The following ALCAM variants were observed in gnomAD, a reference collection of about 807,000 sequenced individuals.
ALCAM encodes CD166 antigen.
In ALCAM, 30 loss-of-function variants were observed where a neutral mutation model predicts 70.9. The observed-to-expected ratio is 0.42, with a 90% CI of 0.32 to 0.57. The LOEUF is 0.57. Ranked by LOEUF, ALCAM falls within the 20% of genes least tolerant of loss-of-function variation. The pLI is 0.11. For synonymous variants in ALCAM, 249 were observed against 242.5 expected, an observed-to-expected ratio of 1.03 and a Z score of -0.25; for missense variants, 591 against 695.1, an observed-to-expected ratio of 0.85 and a Z score of 1.68.
At chr3:105,556,900 TTC>T (rs1462688144) in intron 14 of ALCAM, among the ~76,000 whole-genome samples, 1 of 152,060 alleles carries the variant, frequency 6.6e-6, no homozygotes, top group African/African-American at 2.4e-5. Context: ...CCTACCGTTT[TTC>T]TCTTTTTTTG....
At position 105,571,936 on chromosome 3, in the gene ALCAM, C is replaced by T. The variant is rs1445077548; in HGVS notation, c.1749C>T (p.Ala583=). ...KLEENNHKTE[A] ...AAGAAAACAATCACAAAACTGAAGC[C>T]TAAGAGAGAAACTGTCCTAGTTGTC... The change falls in exon 15 of 16, where the codon GCC becomes GCT. Residue 583 remains alanine (A), a synonymous_variant. Coordinates refer to ENST00000306107, the MANE Select transcript of ALCAM (RefSeq NM_001627.4). 6.2e-7 allele frequency: 1 copy of T among 1,609,842 alleles called. No homozygotes were observed. Among genetic ancestry groups the T allele is most frequent in the Non-Finnish European group, 8.5e-7 (1 of 1,176,758 alleles).
At chr3:105,420,560 T>C (rs894468013) in intron 1 of ALCAM, among the ~76,000 whole-genome samples, 2 of 151,694 alleles carry the variant, frequency 1.3e-5, no homozygotes, top group African/African-American at 4.8e-5. Flanking sequence ...AAATTATGTG[T>C]CCTATCAAAG....
intron 3 of ALCAM, chr3:105,525,448 C>A: frequency 1.3e-6 from 1 of 778,962 alleles, no homozygotes; most frequent in Non-Finnish European, 1.6e-6. Context: ...CGAAACAGGT[C>A]TCAAAAGTTT....
chr3:105,444,485 C>T (rs1466793258), intron 1 of ALCAM, among the ~76,000 whole-genome samples: 1 of 152,140 alleles, frequency 6.6e-6, no homozygotes, highest in East Asian at 1.9e-4. Flanking sequence ...GTCCCTCCCT[C>T]TACACATGGG....
intron 1 of ALCAM, among the ~76,000 whole-genome samples, chr3:105,368,227 G>GAGAGAGAGAGAA (rs1935124963): frequency 9.8e-6 from 1 of 102,422 alleles, no homozygotes; most frequent in Non-Finnish European, 2.3e-5. Flanking sequence ...TCTTGGAAGA[G>GAGAGAGAGAGAA]AGAGAGAGAG....
intron 1 of ALCAM, among the ~76,000 whole-genome samples, chr3:105,375,321 C>T (rs1935347632): frequency 6.6e-6 from 1 of 152,182 alleles, no homozygotes; most frequent in Non-Finnish European, 1.5e-5. Context: ...ATCATACAGG[C>T]TCCACAATAA....
rs761008854 is a variant in ALCAM at position 105,547,192 on chromosome 3, A to G, written c.1148A>G (p.His383Arg). 4 of 1,606,494 alleles carry G rather than the reference A, an allele frequency of 2.5e-6. No individual in the cohort carries two copies. Among genetic ancestry groups the G allele is most frequent in the African/African-American group, 1.3e-5 (1 of 74,390 alleles). ...TCTAGCCCGTCATTTTCTAGTCTTC[A>G]TTATCAGGATGCTGGAAACTATGTC... ...LRSSPSFSSL[H>R]YQDAGNYVCE... The change falls in exon 10 of 16, where the codon CAT becomes CGT. Residue 383 changes from histidine (H) to arginine (R), a missense_variant. By Grantham distance (29) the His-to-Arg change is conservative (BLOSUM62 0). Around this residue, in one of 2 missense-constraint regions of ALCAM, gnomAD observed 164 missense variants for 244.7 expected, o/e 0.67. Coordinates refer to ENST00000306107, the MANE Select transcript of ALCAM (RefSeq NM_001627.4).
intron 1 of ALCAM, among the ~76,000 whole-genome samples, chr3:105,489,181 C>A (rs6437596): frequency 0.013 from 2,003 of 152,244 alleles, 35 homozygotes; most frequent in African/African-American, 0.044. Context: ...GGAGAGTGTT[C>A]TGCTCAAAAT....
At chr3:105,421,492 G>T (rs888118694) in intron 1 of ALCAM, among the ~76,000 whole-genome samples, 2 of 151,358 alleles carry the variant, frequency 1.3e-5, no homozygotes, top group Non-Finnish European at 3.0e-5. Context: ...TTTAAAAAAA[G>T]AAGACAAATA....
chr3:105,477,488 A>G (rs576418318), intron 1 of ALCAM, among the ~76,000 whole-genome samples: 1 of 152,094 alleles, frequency 6.6e-6, no homozygotes, highest in South Asian at 2.1e-4. Flanking sequence ...ATTCTCTTCT[A>G]TGTAATAGGT....
chr3:105,573,202 C>T (rs564060939), intron 15 of ALCAM, among the ~76,000 whole-genome samples: 18 of 152,146 alleles, frequency 1.2e-4, no homozygotes, highest in African/African-American at 3.9e-4. Context: ...TGGCAAGCAC[C>T]GATAATCCCA....
At chr3:105,368,604 G>A (rs1253967058) in intron 1 of ALCAM, among the ~76,000 whole-genome samples, 2 of 151,836 alleles carry the variant, frequency 1.3e-5, no homozygotes, top group Non-Finnish European at 2.9e-5. Flanking sequence ...TTTTATCCGT[G>A]CACATCCCTT....
At chr3:105,371,101 A>T (rs1376397930) in intron 1 of ALCAM, among the ~76,000 whole-genome samples, 22 of 152,158 alleles carry the variant, frequency 1.4e-4, no homozygotes, top group Admixed American at 1.3e-3. Context: ...GACTTTGTAA[A>T]AAATTCAAAC....
chr3:105,546,109 G>A (rs519016), intron 9 of ALCAM, among the ~76,000 whole-genome samples: 25,633 of 151,264 alleles, frequency 0.17, 2,334 homozygotes, highest in Admixed American at 0.28. Context: ...GGAAAAGGTT[G>A]TGATTGCGAT....
intron 2 of ALCAM, 78 bp downstream of exon 2, chr3:105,520,245 T>G: frequency 9.6e-7 from 1 of 1,038,628 alleles, no homozygotes; most frequent in East Asian, 2.4e-5. Flanking sequence ...TAACTGTGAA[T>G]TTCAAATTAA....
intron 14 of ALCAM, chr3:105,553,006 G>T: frequency 9.9e-7 from 1 of 1,009,656 alleles, no homozygotes; most frequent in Non-Finnish European, 1.2e-6. Context: ...TGAAACTGCT[G>T]CTGAGGTAGG....
intron 1 of ALCAM, among the ~76,000 whole-genome samples, chr3:105,379,468 A>C (rs1324010329): frequency 1.3e-5 from 2 of 151,810 alleles, no homozygotes; most frequent in Non-Finnish European, 2.9e-5. Context: ...TTAAAATGTA[A>C]TTTTCCACAA....
chr3:105,524,103 A>G (rs1431322218), intron 2 of ALCAM, among the ~76,000 whole-genome samples, 186 bp from the exon 3 acceptor site: 1 of 152,128 alleles, frequency 6.6e-6, no homozygotes, highest in African/African-American at 2.4e-5. Context: ...TTTACTCATT[A>G]TGGCTTCTCT....
At chr3:105,538,090 T>C (rs753147341) in intron 6 of ALCAM, among the ~76,000 whole-genome samples, 3 of 152,112 alleles carry the variant, frequency 2.0e-5, no homozygotes, top group Non-Finnish European at 4.4e-5. Context: ...TTGAGTATCA[T>C]TGTAATATTC....
Sources: allele counts gnomAD v4.1 joint callset (sites outside exome capture counted in the v4.1 genomes callset), GRCh38; gene constraint gnomAD v4.1.1; regional missense constraint gnomAD v4.1.1; transcripts MANE v1.5; gene names NCBI Gene and HGNC (gene_info 2026-07-23, HGNC 2026-07-21).